Variants in ANO3 observed in about 807,000 individuals in gnomAD.
The protein encoded by ANO3 is anoctamin-3.
In ANO3, 99 loss-of-function variants were observed where a neutral mutation model predicts 144.8. That is an observed-to-expected ratio of 0.68 (90% CI 0.58 to 0.81). The LOEUF (loss-of-function observed/expected upper bound fraction) is 0.81. ANO3 is among the 30% of genes least tolerant of loss of function. ANO3 has a pLI of 0.00. For missense variants in ANO3, 905 were observed against 1,202.2 expected, an observed-to-expected ratio of 0.75 and a Z score of 3.66; for synonymous variants, 414 against 392.6, an observed-to-expected ratio of 1.05 and a Z score of -0.64.
chr11:26,369,041 A>T (rs1435503728), intron 1 of ANO3, among the ~76,000 whole-genome samples: 2 of 152,160 alleles, frequency 1.3e-5, no homozygotes, highest in African/African-American at 4.8e-5. Context: ...GACAAGGTCT[A>T]TATTCATAAG....
chr11:26,392,109 C>A (rs1403737267), intron 1 of ANO3, among the ~76,000 whole-genome samples: 1 of 152,092 alleles, frequency 6.6e-6, no homozygotes, highest in Non-Finnish European at 1.5e-5. Flanking sequence ...CCAAAACTCT[C>A]CAGATTTTTA....
intron 1 of ANO3, among the ~76,000 whole-genome samples, chr11:26,346,666 T>C (rs1280388247): frequency 1.3e-5 from 2 of 152,202 alleles, no homozygotes; most frequent in African/African-American, 4.8e-5. Context: ...TGCTTTTGGG[T>C]TTCTGCAAAT....
chr11:26,520,106 T>A (rs11029596), intron 6 of ANO3, among the ~76,000 whole-genome samples: 4 of 152,052 alleles, frequency 2.6e-5, no homozygotes, highest in Admixed American at 6.5e-5. Flanking sequence ...ATTTAAAAAA[T>A]CTTTATCACA....
chr11:26,519,894 T>C (rs1862001807), intron 6 of ANO3, among the ~76,000 whole-genome samples: 2 of 112,996 alleles, frequency 1.8e-5, no homozygotes, highest in African/African-American at 6.4e-5. Context: ...AGGAAAAGTC[T>C]TATAGAGACA....
intron 1 of ANO3, among the ~76,000 whole-genome samples, chr11:26,292,654 C>T (rs559101593): frequency 6.6e-6 from 1 of 152,194 alleles, no homozygotes; most frequent in East Asian, 1.9e-4. Context: ...GTTAGTTTTC[C>T]TTCTAACAGT....
chr11:26,341,323 T>C (rs1238244407), intron 1 of ANO3, among the ~76,000 whole-genome samples: 2 of 152,174 alleles, frequency 1.3e-5, no homozygotes, highest in African/African-American at 4.8e-5. Flanking sequence ...TAATGTAAAG[T>C]CATTGTAGGA....
chr11:26,619,931 C>T (rs1852368267), intron 17 of ANO3, among the ~76,000 whole-genome samples: 1 of 152,186 alleles, frequency 6.6e-6, no homozygotes. Flanking sequence ...TTTTGATGCA[C>T]AGTCAGGATC....
At chr11:26,413,551 C>A (rs1857489628) in intron 1 of ANO3, among the ~76,000 whole-genome samples, 1 of 151,924 alleles carries the variant, frequency 6.6e-6, no homozygotes, top group South Asian at 2.1e-4. Flanking sequence ...TTTTAATATG[C>A]TGGCAATCTA....
intron 1 of ANO3, among the ~76,000 whole-genome samples, chr11:26,225,694 T>A (rs1852243553): frequency 6.6e-6 from 1 of 152,178 alleles, no homozygotes; most frequent in Non-Finnish European, 1.5e-5. Flanking sequence ...AAAATCTCTT[T>A]TGTTTCTTAT....
At chr11:26,432,241 G>C (rs4489698) in intron 1 of ANO3, among the ~76,000 whole-genome samples, 49,794 of 151,872 alleles carry the variant, frequency 0.33, 9,479 homozygotes, top group African/African-American at 0.54. Context: ...CATTTGCCCA[G>C]TTTTTAATGG....
At chr11:26,211,441 G>A (rs1851930201) in intron 1 of ANO3, among the ~76,000 whole-genome samples, 1 of 151,950 alleles carries the variant, frequency 6.6e-6, no homozygotes, top group Admixed American at 6.6e-5. Flanking sequence ...CATTTATGTG[G>A]CCAATGAACA....
chr11:26,341,830 C>T lies in ANO3; in HGVS notation c.46+9509C>T, dbSNP rs143197859. Among the ~76,000 whole-genome samples the T allele has an allele frequency of 1.2e-4, 18 of 152,280 alleles. No homozygotes were observed. In the East Asian group the frequency reaches 3.5e-3, roughly 29 times the overall value. ...AGTCCAAGAGTCCAAAGCTGAAGAACCTGGAGTCTGATGTTCCAGGACAGG... is the reference window on the plus strand; with the variant it reads ...AGTCCAAGAGTCCAAAGCTGAAGAATCTGGAGTCTGATGTTCCAGGACAGG... On this transcript the variant is annotated intron_variant, in intron 1 of 26. Coordinates refer to ENST00000256737, the MANE Select transcript of ANO3 (RefSeq NM_031418.4).
chr11:26,528,825 A>G (rs890662697), intron 7 of ANO3, among the ~76,000 whole-genome samples: 1 of 151,726 alleles, frequency 6.6e-6, no homozygotes, highest in Non-Finnish European at 1.5e-5. Flanking sequence ...TGTTTTCTAC[A>G]TGTCTATACA....
intron 1 of ANO3, chr11:26,285,631 TGTC>T (rs1370031358): frequency 1.3e-5 from 2 of 152,196 alleles, no homozygotes; most frequent in African/African-American, 2.4e-5. Context: ...ATAATCATAA[TGTC>T]AACAACAACA....
chr11:26,371,245 G>A (rs1309323374), intron 1 of ANO3, among the ~76,000 whole-genome samples: 1 of 152,230 alleles, frequency 6.6e-6, no homozygotes, highest in East Asian at 1.9e-4. Context: ...TTCAGAGTGT[G>A]CAAGCCCCAA....
upstream of ANO3, among the ~76,000 whole-genome samples, chr11:26,305,134 C>T (rs190763530): frequency 8.2e-3 from 1,211 of 148,218 alleles, 18 homozygotes; most frequent in African/African-American, 0.028. Flanking sequence ...TATTCCAAAC[C>T]GATTCATTAG....
chr11:26,647,568 T>G, intron 23 of ANO3, 141 bp from the exon 24 acceptor site: 41 of 660,164 alleles, frequency 6.2e-5, no homozygotes, highest in Non-Finnish European at 8.5e-5. Flanking sequence ...ATGTCTGTAT[T>G]GAGATAGTAT....
chr11:26,567,742 G>A (rs553026359), intron 14 of ANO3, among the ~76,000 whole-genome samples: 1 of 151,790 alleles, frequency 6.6e-6, no homozygotes, highest in Non-Finnish European at 1.5e-5. Context: ...CATTCATAGC[G>A]GCATTATTTA....
intron 1 of ANO3, among the ~76,000 whole-genome samples, chr11:26,217,403 G>A (rs766638139): frequency 8.6e-5 from 13 of 151,286 alleles, no homozygotes; most frequent in Non-Finnish European, 1.6e-4. Flanking sequence ...GTAAATGTCC[G>A]TGTGTCTTGG....
Sources: gnomAD v4.1 joint callset for allele counts (sites outside exome capture counted in the v4.1 genomes callset) on GRCh38, gnomAD v4.1.1 for gene constraint, MANE v1.5 for transcripts, NCBI Gene and HGNC (gene_info 2026-07-23, HGNC 2026-07-21) for gene names.